OR6K3: variants seen among roughly 807,000 people sequenced by gnomAD.
The protein encoded by OR6K3 is olfactory receptor family 6 subfamily K member 3, also known as olfactory receptor 6K3.
For synonymous variants in OR6K3, 169 were observed against 137.7 expected (o/e 1.23, Z -1.59); for missense variants, 396 against 382.5 (o/e 1.04, Z -0.29).
rs780300138 is a variant in OR6K3, at chr1:158,718,065, G to C, written c.51C>G (p.Phe17Leu). ...GGAGACTACCATCCTGAAGCTGAGG[G>C]AATCCAGTGAAGATAAATTCAGTCA... ...STVTEFIFTG[F>L]PQLQDGSLLY... is the part of the protein sequence containing the mutation. The change falls in exon 2 of 2, where the codon TTC (phenylalanine) becomes TTG (leucine). Residue 17 changes from phenylalanine (F) to leucine (L), a missense_variant. Phe to Leu is a conservative substitution (Grantham distance 22, BLOSUM62 0). Coordinates refer to ENST00000368145, the MANE Select transcript of OR6K3 (RefSeq NM_001005327.3). 6.2e-7 allele frequency: 1 copy of C among 1,612,952 alleles called. No individual in the cohort carries two copies. Among genetic ancestry groups the C allele is most frequent in the Non-Finnish European group, 8.5e-7 (1 of 1,179,448 alleles).
chr1:158,717,146 G>A lies in OR6K3; in HGVS notation c.*22C>T. 6.6e-7 allele frequency: 1 copy of A among 1,510,568 alleles called. No homozygotes were observed. Among genetic ancestry groups the A allele is most frequent in the Non-Finnish European group, 9.1e-7 (1 of 1,103,148 alleles). The allele number at this position is 1,510,568 out of a possible 1,614,324, so 93.6% of individuals were successfully genotyped here. ...AAAACAAAACAAAACAAAAGCAACG[G>A]AAGGGAACCTGTGGCTCTGTATTAA... On this transcript the variant is annotated 3_prime_UTR_variant, in exon 2 of 2. Coordinates refer to ENST00000368145, the MANE Select transcript of OR6K3 (RefSeq NM_001005327.3).
In OR6K3 at chr1:158,717,577, T is replaced by G. The variant is rs367924211; in HGVS notation, c.539A>C (p.Asp180Ala). Residue 180 changes from aspartate to alanine, a missense_variant, in exon 2 of 2, where the codon GAC becomes GCC. Coordinates refer to ENST00000368145, the MANE Select transcript of OR6K3 (RefSeq NM_001005327.3). ...GPNQIHQIFC[D>A]LVPVLSLACT... ...GGCCAGGCTTAGCACAGGGACCAAGTCACAGAAGATCTGATGGATTTGGTT... is the reference window on the plus strand; with the variant it reads ...GGCCAGGCTTAGCACAGGGACCAAGGCACAGAAGATCTGATGGATTTGGTT... 16 of 1,613,574 alleles carry G rather than the reference T, an allele frequency of 9.9e-6. No individual in the cohort carries two copies. The African/African-American group carries it at 2.1e-4, about 22-fold the overall frequency.
chr1:158,720,959 T>A (rs144165876), upstream of OR6K3, among the ~76,000 whole-genome samples: 1 of 152,108 alleles, frequency 6.6e-6, no homozygotes, highest in East Asian at 1.9e-4. Context: ...TTTTCCTGAT[T>A]GTACTCATCT....
At chr1:158,719,400 A>G (rs1656241106) in intron 1 of OR6K3, among the ~76,000 whole-genome samples, 1 of 151,872 alleles carries the variant, frequency 6.6e-6, no homozygotes, top group African/African-American at 2.4e-5. Flanking sequence ...TTCTCTAACC[A>G]ATCTCTCTTT....
Position 158,717,192 on chromosome 1 carries a change from T to G in OR6K3, c.924A>C (p.Lys308Asn). The change falls in exon 2 of 2, where the codon AAA becomes AAC. Residue 308 changes from lysine (K) to asparagine (N), a missense_variant. Coordinates refer to ENST00000368145, the MANE Select transcript of OR6K3 (RefSeq NM_001005327.3). ...ATTAACCTCCAGGCTTGTTCAACACTTTTTGAAGACAGAACAGTTTTTTAA... is the reference window on the plus strand; with the variant it reads ...ATTAACCTCCAGGCTTGTTCAACACGTTTTGAAGACAGAACAGTTTTTTAA... ...NAIKKLFCLQ[K>N]VLNKPGG 1.2e-6 allele frequency: 2 copies of G among 1,612,200 alleles called. No individual in the cohort carries two copies. Among genetic ancestry groups the G allele is most frequent in the Non-Finnish European group, 1.7e-6 (2 of 1,178,850 alleles).
chr1:158,723,393 C>G (rs1656322979), upstream of OR6K3, among the ~76,000 whole-genome samples: 1 of 151,928 alleles, frequency 6.6e-6, no homozygotes, highest in Admixed American at 6.6e-5. Flanking sequence ...AACAAATATA[C>G]TATAAATAAT....
chr1:158,723,351 T>G (rs1468374779), upstream of OR6K3, among the ~76,000 whole-genome samples: 2 of 151,980 alleles, frequency 1.3e-5, no homozygotes, highest in East Asian at 3.9e-4. Context: ...AAATGAAGTT[T>G]GAATTCAACT....
At chr1:158,723,752 T>C (rs1166028898), upstream of OR6K3, among the ~76,000 whole-genome samples, 1 of 152,114 alleles carries the variant, frequency 6.6e-6, no homozygotes, top group East Asian at 1.9e-4. Flanking sequence ...TCTGCAGATC[T>C]GATTCTTTTA....
rs374614637 is a variant in OR6K3 at position 158,717,161 on chromosome 1, C to T, written c.*7G>A. On this transcript the variant is annotated 3_prime_UTR_variant, in exon 2 of 2. Transcript: ENST00000368145. Reference sequence around the variant, plus strand: ...AAAAGCAACGGAAGGGAACCTGTGGCTCTGTATTAACCTCCAGGCTTGTTC... The same window carrying T: ...AAAAGCAACGGAAGGGAACCTGTGGTTCTGTATTAACCTCCAGGCTTGTTC... 1 of 1,573,316 alleles carries T rather than the reference C, an allele frequency of 6.4e-7. No individual in the cohort carries two copies. Among genetic ancestry groups the T allele is most frequent in the East Asian group, 2.2e-5 (1 of 44,620 alleles).
Position 158,718,068 on chromosome 1 carries a change from T to C in OR6K3, c.48A>G (p.Gly16=), listed in dbSNP as rs529098297. 7.4e-6 allele frequency: 12 copies of C among 1,612,900 alleles called. No homozygotes were observed. Among genetic ancestry groups the C allele is most frequent in the Non-Finnish European group, 1.0e-5 (12 of 1,179,478 alleles). The stretch of plus-strand genomic sequence containing the variant: ...GACTACCATCCTGAAGCTGAGGGAA[T>C]CCAGTGAAGATAAATTCAGTCACTG... ...QSTVTEFIFT[G]FPQLQDGSLL... is the part of the protein sequence containing the mutation. Residue 16 remains glycine (G), a synonymous_variant, in exon 2 of 2, where the codon GGA becomes GGG. Coordinates refer to ENST00000368145, the MANE Select transcript of OR6K3 (RefSeq NM_001005327.3).
rs1656210663 is a variant in OR6K3 at position 158,718,075 on chromosome 1, A to G, written c.41T>C (p.Phe14Ser). 5.0e-6 allele frequency: 8 copies of G among 1,612,906 alleles called. No individual in the cohort carries two copies. The East Asian group carries it at 1.8e-4, about 36-fold the overall frequency. ...GNQSTVTEFI[F>S]TGFPQLQDGS... ...ATCCTGAAGCTGAGGGAATCCAGTG[A>G]AGATAAATTCAGTCACTGTTGATTG... Residue 14 changes from phenylalanine to serine, a missense_variant, in exon 2 of 2, where the codon TTC becomes TCC. Phe to Ser is a radical substitution (Grantham distance 155). Coordinates refer to ENST00000368145, the MANE Select transcript of OR6K3 (RefSeq NM_001005327.3).
At chr1:158,719,352 G>A (rs1199416738) in intron 1 of OR6K3, among the ~76,000 whole-genome samples, 1 of 151,652 alleles carries the variant, frequency 6.6e-6, no homozygotes, top group Non-Finnish European at 1.5e-5. Context: ...GATCTCATCC[G>A]CTTACAGGAT....
upstream of OR6K3, among the ~76,000 whole-genome samples, chr1:158,721,454 A>G (rs1656280739): frequency 6.6e-6 from 1 of 151,952 alleles, no homozygotes; most frequent in African/African-American, 2.4e-5. Flanking sequence ...GGAAATATGT[A>G]TCAAGTTCTC....
At chr1:158,724,418 G>A (rs703143), upstream of OR6K3, 78,717 of 228,430 alleles carry the variant, frequency 0.34, 15,219 homozygotes, top group East Asian at 0.43. Flanking sequence ...ATATAAGAAA[G>A]GGCAATAATC....
rs1656209704 is a variant in OR6K3, at chr1:158,718,053, C to T, written c.63G>A (p.Gln21=). The T allele has an allele frequency of 2.5e-6, 4 of 1,613,142 alleles. No individual in the cohort carries two copies. The highest frequency in any genetic ancestry group is 3.4e-6 in the Non-Finnish European group (4 of 1,179,564). Residue 21 remains glutamine (Q), a synonymous_variant, in exon 2 of 2, where the codon CAG becomes CAA. Coordinates refer to ENST00000368145, the MANE Select transcript of OR6K3 (RefSeq NM_001005327.3). ...EFIFTGFPQL[Q]DGSLLYFFPL... ...GAAAGAAGTACAGGAGACTACCATC[C>T]TGAAGCTGAGGGAATCCAGTGAAGA...
At chr1:158,718,237 G>T in intron 1 of OR6K3, 105 bp from the exon 2 acceptor site, 2 of 658,874 alleles carry the variant, frequency 3.0e-6, no homozygotes, top group Middle Eastern at 2.5e-4. Flanking sequence ...TACCTTGAAG[G>T]TTTCATTTTT....
At chr1:158,719,969 A>G (rs948481099) in intron 1 of OR6K3, among the ~76,000 whole-genome samples, 1 of 152,038 alleles carries the variant, frequency 6.6e-6, no homozygotes, top group African/African-American at 2.4e-5. Context: ...AGACAGGTTA[A>G]GTTCTTTGTC....
upstream of OR6K3, chr1:158,724,420 G>A (rs1656342916): frequency 1.3e-5 from 3 of 230,134 alleles, no homozygotes; most frequent in South Asian, 1.8e-4. Context: ...ATAAGAAAGG[G>A]CAATAATCAG....
chr1:158,717,588 C>G lies in OR6K3; in HGVS notation c.528G>C (p.Gln176His). Residue 176 changes from glutamine (Q) to histidine (H), a missense_variant, in exon 2 of 2, where the codon CAG (glutamine) becomes CAC (histidine). Gln to His is a conservative substitution (Grantham distance 24). Coordinates refer to ENST00000368145, the MANE Select transcript of OR6K3 (RefSeq NM_001005327.3). ...GCACAGGGACCAAGTCACAGAAGAT[C>G]TGATGGATTTGGTTGGGCCCACAGA... ...LPFCGPNQIH[Q>H]IFCDLVPVLS... 3 of 1,613,806 alleles carry G rather than the reference C, an allele frequency of 1.9e-6. No individual in the cohort carries two copies. The highest frequency in any genetic ancestry group is 1.7e-6 in the Non-Finnish European group (2 of 1,179,840).
Sources: allele counts gnomAD v4.1 joint callset (sites outside exome capture counted in the v4.1 genomes callset), GRCh38; gene constraint gnomAD v4.1.1; transcripts MANE v1.5; gene names NCBI Gene and HGNC (gene_info 2026-07-23, HGNC 2026-07-21).